The following CGNL1 variants were observed in gnomAD, a reference collection of about 807,000 sequenced individuals.
The protein encoded by CGNL1 is cingulin-like protein 1.
Under a neutral mutation model 141.2 loss-of-function variants are expected in CGNL1, and 132 were observed. That is an observed-to-expected ratio of 0.93 (90% confidence interval 0.81 to 1.08). The LOEUF (loss-of-function observed/expected upper bound fraction) is 1.08, where lower values mean the gene tolerates loss of function less well. Ranked by LOEUF, CGNL1 falls within the 50% of genes least tolerant of loss-of-function variation. CGNL1 has a pLI of 0.00. For missense variants in CGNL1, 1,870 were observed against 1,588.6 expected (o/e 1.18, Z -3.01); for synonymous variants, 690 against 622.1 (o/e 1.11, Z -1.63).
At chr15:57,431,256 A>G (rs1392464101) in intron 1 of CGNL1, among the ~76,000 whole-genome samples, 1 of 152,228 alleles carries the variant, frequency 6.6e-6, no homozygotes, top group Non-Finnish European at 1.5e-5. Context: ...AACAGAGAGC[A>G]ACTCTGCTTT....
intron 1 of CGNL1, among the ~76,000 whole-genome samples, chr15:57,380,315 T>A (rs2062410792): frequency 6.6e-6 from 1 of 152,198 alleles, no homozygotes; most frequent in South Asian, 2.1e-4. Flanking sequence ...ATTACAGGCA[T>A]GAGCCACTGT....
intron 1 of CGNL1, among the ~76,000 whole-genome samples, chr15:57,394,949 T>C (rs1475643700): frequency 6.6e-6 from 1 of 152,130 alleles, no homozygotes; most frequent in African/African-American, 2.4e-5. Context: ...CTGTCTCTAC[T>C]AAAAATACAA....
chr15:57,472,247 G>A (rs2063591589), intron 8 of CGNL1, among the ~76,000 whole-genome samples: 1 of 152,030 alleles, frequency 6.6e-6, no homozygotes. Context: ...AATAGCATGT[G>A]CAAGGGGGCT....
At chr15:57,443,076 A>G (rs531933209) in intron 4 of CGNL1, among the ~76,000 whole-genome samples, 11 of 152,260 alleles carry the variant, frequency 7.2e-5, no homozygotes, top group Non-Finnish European at 1.0e-4. Flanking sequence ...AAGTGTGAAC[A>G]GGCTTGGACC....
chr15:57,531,736 A>G lies in CGNL1; in HGVS notation c.3248A>G (p.Asn1083Ser). 1.2e-6 allele frequency: 2 copies of G among 1,613,178 alleles called. No homozygotes were observed. Among genetic ancestry groups the G allele is most frequent in the Non-Finnish European group, 1.7e-6 (2 of 1,179,238 alleles). ...ATGGAACTGGAAGAAGAGAGAAACA[A>G]CTCAGATTTGCTGTCTGAGAGGATC... ...LEMELEEERNNSDLLSERISR... is the reference protein window; with the variant it reads ...LEMELEEERNSSDLLSERISR... Residue 1083 changes from asparagine to serine, a missense_variant, in exon 14 of 19, where the codon AAC (asparagine) becomes AGC (serine). Transcript: ENST00000281282.
At chr15:57,511,162 G>C (rs1396494748) in intron 8 of CGNL1, among the ~76,000 whole-genome samples, 1 of 152,192 alleles carries the variant, frequency 6.6e-6, no homozygotes. Context: ...TCCTTCTGCT[G>C]TTTTCCACAT....
chr15:57,383,811 G>T (rs968631827), intron 1 of CGNL1, among the ~76,000 whole-genome samples: 5 of 151,420 alleles, frequency 3.3e-5, no homozygotes, highest in Non-Finnish European at 7.4e-5. Context: ...ATGTGTGTGT[G>T]TGTGTTTTGT....
intron 8 of CGNL1, among the ~76,000 whole-genome samples, chr15:57,482,317 T>G (rs902899694): frequency 2.0e-5 from 3 of 152,204 alleles, no homozygotes; most frequent in Non-Finnish European, 1.5e-5. Context: ...AGTTTTTCCT[T>G]CTATGGATTG....
intron 1 of CGNL1, among the ~76,000 whole-genome samples, chr15:57,426,086 C>T (rs2062969896): frequency 6.6e-6 from 1 of 152,056 alleles, no homozygotes; most frequent in Non-Finnish European, 1.5e-5. Context: ...TCTTCTGGCT[C>T]CTGGAGATCA....
rs1567116096 is a variant in CGNL1 at position 57,438,259 on chromosome 15, A to G, written c.260A>G (p.His87Arg). Residue 87 changes from histidine (H) to arginine (R), a missense_variant, in exon 2 of 19, where the codon CAT becomes CGT. Coordinates refer to ENST00000281282, the MANE Select transcript of CGNL1 (RefSeq NM_032866.5). ...PPPVINNLPL[H>R]SSNGSVPKEN... is the part of the protein sequence containing the mutation. ...CCAGTGATAAATAACCTGCCTCTAC[A>G]TTCCAGCAATGGTTCTGTGCCAAAG... 6.2e-7 allele frequency: 1 copy of G among 1,614,178 alleles called. No homozygotes were observed. The highest frequency in any genetic ancestry group is 8.5e-7 in the Non-Finnish European group (1 of 1,180,024).
chr15:57,546,834 C>T (rs1335722385), intron 18 of CGNL1, among the ~76,000 whole-genome samples: 4 of 152,084 alleles, frequency 2.6e-5, no homozygotes, highest in African/African-American at 7.3e-5. Context: ...TGGAGGCTGG[C>T]TGTGACGTGG....
intron 8 of CGNL1, among the ~76,000 whole-genome samples, chr15:57,487,534 T>C (rs2063801113): frequency 6.6e-6 from 1 of 152,224 alleles, no homozygotes; most frequent in East Asian, 1.9e-4. Flanking sequence ...TTGGTAATAA[T>C]ATAAGTGTCA....
intron 8 of CGNL1, among the ~76,000 whole-genome samples, chr15:57,516,334 G>T (rs2140096079): frequency 2.0e-5 from 3 of 152,276 alleles, no homozygotes; most frequent in Middle Eastern, 3.4e-3. Context: ...CCAAGTGTCA[G>T]TTTCCTCATA....
chr15:57,546,367 A>G (rs2032868316), intron 18 of CGNL1, 128 bp downstream of exon 18: 1 of 1,139,000 alleles, frequency 8.8e-7, no homozygotes, highest in Admixed American at 2.9e-5. Flanking sequence ...GGGTTATCGT[A>G]TCTTAGAGAT....
chr15:57,441,832 C>T (rs1213255257), intron 3 of CGNL1, among the ~76,000 whole-genome samples: 3 of 152,076 alleles, frequency 2.0e-5, no homozygotes, highest in Non-Finnish European at 4.4e-5. Flanking sequence ...CTTAGTATCT[C>T]CGTGTTACCT....
At chr15:57,437,135 T>C (rs954500676) in intron 1 of CGNL1, among the ~76,000 whole-genome samples, 1 of 152,180 alleles carries the variant, frequency 6.6e-6, no homozygotes, top group Admixed American at 6.5e-5. Flanking sequence ...TCCTGCTTGG[T>C]GAGCTCTCTG....
Position 57,549,164 on chromosome 15 carries a change from C to T in CGNL1, c.*1674C>T, listed in dbSNP as rs1028557443. 1 of 152,238 alleles carries T rather than the reference C, an allele frequency of 6.6e-6. No homozygotes were observed. The highest frequency in any genetic ancestry group is 1.5e-5 in the Non-Finnish European group (1 of 68,086). The allele number at this position is 152,238 out of a possible 1,614,324, so 9.4% of individuals were successfully genotyped here. ...ACATATCCAGGGACTCCCTCCTGGC[C>T]TTCCTGTGTCACTTCACAATGTGAC... On this transcript the variant is annotated 3_prime_UTR_variant, in exon 19 of 19. Coordinates refer to ENST00000281282, the MANE Select transcript of CGNL1 (RefSeq NM_032866.5).
At chr15:57,504,448 T>C (rs965261499) in intron 8 of CGNL1, among the ~76,000 whole-genome samples, 1 of 152,218 alleles carries the variant, frequency 6.6e-6, no homozygotes, top group South Asian at 2.1e-4. Flanking sequence ...CAGATTTTGT[T>C]TTTAATGGAT....
intron 8 of CGNL1, among the ~76,000 whole-genome samples, chr15:57,497,080 C>A (rs1312039315): frequency 6.6e-6 from 1 of 152,192 alleles, no homozygotes; most frequent in African/African-American, 2.4e-5. Flanking sequence ...GGCCCCACAT[C>A]CTGCTGTGTT....
Sources: allele counts gnomAD v4.1 joint callset (sites outside exome capture counted in the v4.1 genomes callset), GRCh38; gene constraint gnomAD v4.1.1; transcripts MANE v1.5; gene names NCBI Gene and HGNC (gene_info 2026-07-23, HGNC 2026-07-21).